Variants in ZNF420 observed in about 807,000 individuals in gnomAD.
ZNF420 encodes the protein zinc finger protein 420, also known as ATM and p53-associated KZNF protein.
In ZNF420, 31 loss-of-function variants were observed where a neutral mutation model predicts 44.7. The observed-to-expected ratio is 0.69, with a 90% CI of 0.52 to 0.94. The LOEUF (loss-of-function observed/expected upper bound fraction) is 0.94. ZNF420 is among the 40% of genes least tolerant of loss of function. ZNF420 has a pLI of 0.00. For missense variants in ZNF420, 681 were observed against 827.9 expected (o/e 0.82, Z 2.18); for synonymous variants, 245 against 267.4 (o/e 0.92, Z 0.82).
intron 1 of ZNF420, among the ~76,000 whole-genome samples, chr19:37,061,903 G>A (rs1244570142): frequency 6.6e-6 from 1 of 152,138 alleles, no homozygotes; most frequent in African/African-American, 2.4e-5. Flanking sequence ...TTAATTCAAC[G>A]TTTAATGGTG....
intron 1 of ZNF420, chr19:37,025,356 A>G (rs1967136111): frequency 5.9e-6 from 1 of 170,110 alleles, no homozygotes; most frequent in South Asian, 1.9e-4. Context: ...TGTTTTTTTA[A>G]AGTTAACTGT....
At position 37,129,019 on chromosome 19, in the gene ZNF420, T is replaced by C. The variant is rs745901996; in HGVS notation, c.2028T>C (p.Cys676=). The C allele has an allele frequency of 6.8e-6, 11 of 1,613,330 alleles. No individual in the cohort carries two copies. Among genetic ancestry groups the C allele is most frequent in the Non-Finnish European group, 8.5e-6 (10 of 1,179,358 alleles). ...AGAAATCTTTTGAATATAAGGAATG[T>C]GGGATTGACTTTAGTCATGGCTCAC... ...ISEKSFEYKE[C]GIDFSHGSQV... Residue 676 remains cysteine, a synonymous_variant, in exon 5 of 5, where the codon TGT becomes TGC. Coordinates refer to ENST00000337995, the MANE Select transcript of ZNF420 (RefSeq NM_144689.5).
rs751059341 is a variant in ZNF420 at position 37,128,713 on chromosome 19, G to C, written c.1722G>C (p.Leu574Phe). Residue 574 changes from leucine to phenylalanine, a missense_variant, in exon 5 of 5, where the codon TTG becomes TTC. Leu to Phe is a conservative substitution (Grantham distance 22). This residue lies in a region of ZNF420 where 280 missense variants were observed against 338.6 expected (regional missense o/e 0.83). Coordinates refer to ENST00000337995, the MANE Select transcript of ZNF420 (RefSeq NM_144689.5). ...AAGCCTTTATTCGTGGTTCACAGTTGACTCAACATCAGCGAATTCACACTG... is the reference window on the plus strand; with the variant it reads ...AAGCCTTTATTCGTGGTTCACAGTTCACTCAACATCAGCGAATTCACACTG... ...CGKAFIRGSQ[L>F]TQHQRIHTGE... 1 of 1,610,040 alleles carries C rather than the reference G, an allele frequency of 6.2e-7. No individual in the cohort carries two copies.
chr19:37,045,408 C>T (rs1235716454), intron 1 of ZNF420, among the ~76,000 whole-genome samples: 4 of 152,180 alleles, frequency 2.6e-5, no homozygotes, highest in African/African-American at 7.2e-5. Flanking sequence ...TGAAGTATTT[C>T]ACAGACTAGA....
chr19:37,101,046 CA>C (rs1969748359), intron 4 of ZNF420, among the ~76,000 whole-genome samples: 1 of 147,612 alleles, frequency 6.8e-6, no homozygotes, highest in African/African-American at 2.5e-5. Context: ...TTCCTTTTCA[CA>C]GTTTCCTGTT....
At chr19:37,041,845 TTC>T (rs1245830180) in intron 1 of ZNF420, among the ~76,000 whole-genome samples, 1 of 152,202 alleles carries the variant, frequency 6.6e-6, no homozygotes, top group African/African-American at 2.4e-5. Flanking sequence ...TTTACAGCAT[TTC>T]TTTCTGTAAA....
chr19:37,067,680 A>T (rs759330600), intron 1 of ZNF420, among the ~76,000 whole-genome samples: 1 of 152,218 alleles, frequency 6.6e-6, no homozygotes, highest in Non-Finnish European at 1.5e-5. Context: ...TCAACAATAG[A>T]TCCTCACTGA....
intron 1 of ZNF420, among the ~76,000 whole-genome samples, chr19:37,017,514 A>G (rs903520699): frequency 6.6e-6 from 1 of 152,230 alleles, no homozygotes; most frequent in Non-Finnish European, 1.5e-5. Flanking sequence ...ATGGTTAAAT[A>G]TTTGAAATCC....
At chr19:37,058,559 G>A (rs1192598827) in intron 1 of ZNF420, among the ~76,000 whole-genome samples, 1 of 152,068 alleles carries the variant, frequency 6.6e-6, no homozygotes, top group South Asian at 2.1e-4. Flanking sequence ...GTGAGGGTGG[G>A]GTGAACTATG....
In ZNF420 at chr19:37,091,169, G is replaced by T. The variant is rs374013633; in HGVS notation, c.136+48G>T. 2.7e-6 allele frequency: 4 copies of T among 1,455,794 alleles called. No individual in the cohort carries two copies. In the African/African-American group the frequency reaches 5.8e-5, roughly 21 times the overall value. The allele number at this position is 1,455,794 out of a possible 1,614,324, so 90.2% of individuals were successfully genotyped here. ...TTCAGGATCTACCTTTGGATTGGCT[G>T]CTTTCTCTGCTGTTATTTCAAATTT... is the stretch of plus-strand genomic sequence containing the variant. On this transcript the variant is annotated intron_variant, in intron 4 of 4. Coordinates refer to ENST00000337995, the MANE Select transcript of ZNF420 (RefSeq NM_144689.5).
At chr19:37,046,370 A>G (rs1478788522) in intron 1 of ZNF420, among the ~76,000 whole-genome samples, 1 of 152,222 alleles carries the variant, frequency 6.6e-6, no homozygotes, top group Non-Finnish European at 1.5e-5. Flanking sequence ...TAGTAAAAAA[A>G]GAAAATAAAT....
At chr19:37,087,905 A>G (rs1055173639) in intron 2 of ZNF420, among the ~76,000 whole-genome samples, 40 of 152,290 alleles carry the variant, frequency 2.6e-4, no homozygotes, top group Admixed American at 1.9e-3. Context: ...TCGGCCTCCC[A>G]AAGTGCTGGG....
intron 4 of ZNF420, chr19:37,091,936 C>CAAAAAAAAAAA (rs35232183): frequency 1.5e-5 from 2 of 134,590 alleles, no homozygotes; most frequent in African/African-American, 3.0e-5. Context: ...TCTCAAAAAA[C>CAAAAAAAAAAA]AAAAAAAAAA....
intron 1 of ZNF420, among the ~76,000 whole-genome samples, chr19:37,017,971 G>A (rs1273630688): frequency 6.6e-6 from 1 of 152,008 alleles, no homozygotes. Context: ...AGAGTGCCAG[G>A]ATGGTCAACA....
At position 37,057,748 on chromosome 19, in the gene ZNF420, G is replaced by A. The variant is rs1313522517; in HGVS notation, c.-124-22597G>A. ...CTGGAATCTCATCCCCATCCTGAGC[G>A]GCTTTTCTAGAATCAAGATGACCAC... is the stretch of plus-strand genomic sequence containing the variant. On this transcript the variant is annotated intron_variant, in intron 1 of 4. Coordinates refer to the ZNF420 transcript ENST00000587029. Among the ~76,000 whole-genome samples the A allele has an allele frequency of 3.3e-5, 5 of 152,082 alleles. No individual in the cohort carries two copies. In the East Asian group the frequency reaches 5.8e-4, roughly 18 times the overall value.
chr19:37,074,097 CAAG>C (rs1968108394), upstream of ZNF420, among the ~76,000 whole-genome samples: 1 of 152,032 alleles, frequency 6.6e-6, no homozygotes, highest in Admixed American at 6.6e-5. Context: ...CTGATTTAGA[CAAG>C]AATCATTAAT....
At chr19:37,020,486 G>A (rs558631994) in intron 1 of ZNF420, among the ~76,000 whole-genome samples, 1 of 152,232 alleles carries the variant, frequency 6.6e-6, no homozygotes, top group Non-Finnish European at 1.5e-5. Flanking sequence ...GAGAGAACAT[G>A]CCTGGCCTAA....
chr19:37,116,228 G>A (rs1329501688), intron 4 of ZNF420, among the ~76,000 whole-genome samples: 1 of 151,896 alleles, frequency 6.6e-6, no homozygotes, highest in East Asian at 1.9e-4. Context: ...AATTTAGCCA[G>A]GCATGATGGC....
chr19:37,122,501 A>AT (rs1465361712), intron 4 of ZNF420, among the ~76,000 whole-genome samples: 1 of 152,094 alleles, frequency 6.6e-6, no homozygotes, highest in Non-Finnish European at 1.5e-5. Flanking sequence ...ATTAGGAGAT[A>AT]TACCTAATGC....
Sources: gnomAD v4.1 joint callset for allele counts (sites outside exome capture counted in the v4.1 genomes callset) on GRCh38, gnomAD v4.1.1 for gene constraint, gnomAD v4.1.1 regional missense constraint, MANE v1.5 for transcripts, NCBI Gene and HGNC (gene_info 2026-07-23, HGNC 2026-07-21) for gene names.